The following MTREX variants were observed in gnomAD, a reference collection of about 807,000 sequenced individuals.
The protein encoded by MTREX is Mtr4 exosome RNA helicase.
MTREX carries 76 observed loss-of-function variants against 135.4 expected under a neutral mutation model. The ratio of observed to expected loss-of-function variants is 0.56; its 90% CI spans 0.47 to 0.68. The LOEUF (loss-of-function observed/expected upper bound fraction) is 0.68. Among genes scored for constraint, MTREX ranks in the 30% least tolerant of loss-of-function variants. MTREX has a pLI of 0.00. For synonymous variants in MTREX, 404 were observed against 401.6 expected (o/e 1.01, Z -0.07); for missense variants, 920 against 1,262.1 (o/e 0.73, Z 4.11).
chr5:55,369,915 C>CTTTTTTTTTTTTTTTTTTT (rs60011222), intron 16 of MTREX, among the ~76,000 whole-genome samples: 1 of 141,424 alleles, frequency 7.1e-6, no homozygotes, highest in African/African-American at 2.6e-5. Context: ...TTTCTTTTTT[C>CTTTTTTTTTTTTTTTTTTT]TTTTTTTTTT....
Position 55,413,335 on chromosome 5 carries a change from C to CAA in MTREX, c.2752-831_2752-830dup, listed in dbSNP as rs34179127. Among the ~76,000 whole-genome samples the CAA allele has an allele frequency of 6.4e-3, 543 of 84,458 alleles. 6 individuals are homozygous for CAA. The highest frequency in any genetic ancestry group is 0.02 in the African/African-American group (495 of 24,650). 55.4% of individuals were successfully genotyped at this position (84,458 alleles called of 152,430 possible). ...TGGGCAACAGAGCGAGACTCTGTCT[C>CAA]AAAAAAAAAAAAAAAAATAGCCATA... On this transcript the variant is annotated intron_variant, in intron 23 of 26. Coordinates refer to ENST00000230640, the MANE Select transcript of MTREX (RefSeq NM_015360.5).
intron 18 of MTREX, among the ~76,000 whole-genome samples, chr5:55,384,682 C>T (rs938989952): frequency 4.6e-5 from 7 of 152,136 alleles, no homozygotes; most frequent in African/African-American, 1.2e-4. Flanking sequence ...TGTTTAGTGT[C>T]GGGCTGGATT....
At chr5:55,332,951 A>G (rs572537619) in intron 5 of MTREX, among the ~76,000 whole-genome samples, 1 of 151,904 alleles carries the variant, frequency 6.6e-6, no homozygotes, top group East Asian at 1.9e-4. Flanking sequence ...TAATTCCGTC[A>G]TCTGTCTCAT....
chr5:55,341,346 T>A (rs754328139), intron 6 of MTREX, among the ~76,000 whole-genome samples: 2 of 152,206 alleles, frequency 1.3e-5, no homozygotes, highest in Non-Finnish European at 2.9e-5. Flanking sequence ...GACGGTGCTG[T>A]GTATAGAAGG....
intron 5 of MTREX, among the ~76,000 whole-genome samples, chr5:55,337,047 G>T (rs941859558): frequency 1.3e-5 from 2 of 152,112 alleles, no homozygotes; most frequent in Admixed American, 6.6e-5. Flanking sequence ...GCATTTCTTT[G>T]TGGGAAGATT....
chr5:55,362,526 A>C (rs780822799), intron 15 of MTREX, among the ~76,000 whole-genome samples: 1 of 151,430 alleles, frequency 6.6e-6, no homozygotes, highest in Non-Finnish European at 1.5e-5. Context: ...ATGCCCAGCT[A>C]ATTTTTGTAT....
intron 15 of MTREX, among the ~76,000 whole-genome samples, chr5:55,360,544 A>G (rs1372558140): frequency 6.6e-6 from 1 of 152,052 alleles, no homozygotes; most frequent in African/African-American, 2.4e-5. Context: ...TTTCTTTAGT[A>G]GTTGCACCGT....
chr5:55,355,000 G>C (rs1749887262), intron 14 of MTREX, among the ~76,000 whole-genome samples: 1 of 152,168 alleles, frequency 6.6e-6, no homozygotes, highest in Non-Finnish European at 1.5e-5. Context: ...ATTGGGCGAG[G>C]GAAGCTCTGA....
intron 26 of MTREX, 183 bp from the exon 27 acceptor site, chr5:55,424,537 T>C (rs1365811290): frequency 7.1e-6 from 4 of 559,770 alleles, no homozygotes; most frequent in Non-Finnish European, 1.3e-5. Context: ...GTCTGGCTTG[T>C]ATGTTTTCCA....
At chr5:55,405,031 T>G (rs1750780753) in intron 21 of MTREX, among the ~76,000 whole-genome samples, 1 of 151,970 alleles carries the variant, frequency 6.6e-6, no homozygotes, top group South Asian at 2.1e-4. Flanking sequence ...GCCAGGAACC[T>G]CGTGATCCAC....
rs748691957 is a variant in MTREX at position 55,400,399 on chromosome 5, C to T, written c.2459C>T (p.Thr820Met). Residue 820 changes from threonine to methionine, a missense_variant, in exon 21 of 27, where the codon ACG (threonine) becomes ATG (methionine). This residue lies in a region of MTREX where 467 missense variants were observed against 589.7 expected (regional missense o/e 0.79). Transcript: ENST00000230640. ...HNDPNLETVY[T>M]LCEKKAQIAI... is the part of the protein sequence containing the mutation. ...GATCCAAATTTGGAAACTGTGTATA[C>T]GCTTTGTGAAAAAAAAGCACAGGTA... is the stretch of plus-strand genomic sequence containing the variant. The T allele has an allele frequency of 6.3e-6, 10 of 1,591,092 alleles. No individual in the cohort carries two copies. Among genetic ancestry groups the T allele is most frequent in the African/African-American group, 5.4e-5 (4 of 73,880 alleles).
intron 24 of MTREX, among the ~76,000 whole-genome samples, chr5:55,415,488 C>T (rs1466658331): frequency 6.6e-6 from 1 of 152,154 alleles, no homozygotes; most frequent in East Asian, 1.9e-4. Context: ...TCTTCATAGG[C>T]CTAGGAGTTT....
intron 22 of MTREX, among the ~76,000 whole-genome samples, chr5:55,408,915 A>ATTTT (rs1361204834): frequency 2.5e-4 from 35 of 141,106 alleles, no homozygotes; most frequent in Non-Finnish European, 2.4e-4. Context: ...CATGAACAAT[A>ATTTT]TTTTTATTTA....
At chr5:55,362,989 A>G (rs1466105627) in intron 15 of MTREX, among the ~76,000 whole-genome samples, 1 of 152,210 alleles carries the variant, frequency 6.6e-6, no homozygotes, top group Non-Finnish European at 1.5e-5. Context: ...TACTAAATAA[A>G]CATACTAGTT....
intron 22 of MTREX, among the ~76,000 whole-genome samples, chr5:55,409,631 A>G (rs1326706700): frequency 2.0e-5 from 3 of 152,234 alleles, no homozygotes; most frequent in African/African-American, 7.2e-5. Context: ...AGTTTAAAAA[A>G]CTGTATTTTG....
chr5:55,389,842 A>ATATAAG (rs77094007), intron 19 of MTREX, among the ~76,000 whole-genome samples: 22,413 of 151,856 alleles, frequency 0.15, 2,093 homozygotes, highest in African/African-American at 0.26. Flanking sequence ...ACATATAATT[A>ATATAAG]TATATGTTTT....
chr5:55,321,180 A>C (rs1174396028), intron 1 of MTREX, among the ~76,000 whole-genome samples: 2 of 152,210 alleles, frequency 1.3e-5, no homozygotes, highest in African/African-American at 4.8e-5. Flanking sequence ...ATATCAATAG[A>C]TACAACCACA....
intron 16 of MTREX, among the ~76,000 whole-genome samples, chr5:55,374,324 G>T (rs898990132): frequency 6.8e-6 from 1 of 147,484 alleles, no homozygotes; most frequent in African/African-American, 2.5e-5. Flanking sequence ...GTCTCACTCT[G>T]TTGCCCAGAC....
intron 5 of MTREX, chr5:55,329,294 T>C (rs1378511391): frequency 6.6e-6 from 1 of 152,332 alleles, no homozygotes; most frequent in Non-Finnish European, 1.5e-5. Flanking sequence ...GCCTTCCTAG[T>C]AGATGGGACT....
Sources: gnomAD v4.1 joint callset for allele counts (sites outside exome capture counted in the v4.1 genomes callset) on GRCh38, gnomAD v4.1.1 for gene constraint, gnomAD v4.1.1 regional missense constraint, MANE v1.5 for transcripts, NCBI Gene and HGNC (gene_info 2026-07-23, HGNC 2026-07-21) for gene names.